Variants in GRM7 observed in about 807,000 individuals in gnomAD.
GRM7 encodes glutamate metabotropic receptor 7, also known as metabotropic glutamate receptor 7.
In GRM7, 35 loss-of-function variants were observed where a neutral mutation model predicts 84.5. The ratio of observed to expected loss-of-function variants is 0.41; its 90% CI spans 0.32 to 0.55. The LOEUF is 0.55. Among genes scored for constraint, GRM7 ranks in the 20% least tolerant of loss-of-function variants. The pLI, the probability that GRM7 is intolerant of heterozygous loss-of-function variation, is 0.19. For missense variants in GRM7, 1,003 were observed against 1,194.6 expected, an observed-to-expected ratio of 0.84 and a Z score of 2.36; for synonymous variants, 487 against 455.1, an observed-to-expected ratio of 1.07 and a Z score of -0.89.
Position 6,861,252 on chromosome 3 carries a change from C to G in GRM7, c.-137C>G. 1 of 709,990 alleles carries G rather than the reference C, an allele frequency of 1.4e-6. No individual in the cohort carries two copies. Among genetic ancestry groups the G allele is most frequent in the Non-Finnish European group, 2.1e-6 (1 of 485,326 alleles). 44.0% of individuals were successfully genotyped at this position (709,990 alleles called of 1,614,324 possible). Reference sequence around the variant, plus strand: ...CCTCACCCTCTCTGGTCGCCCCTCCCCGGATTCCCCCACCCTCCGTGCCTG... The same window carrying G: ...CCTCACCCTCTCTGGTCGCCCCTCCGCGGATTCCCCCACCCTCCGTGCCTG... On this transcript the variant is annotated 5_prime_UTR_variant, in exon 1 of 10. Transcript: ENST00000357716. This position sits in a 1 kb window ranked among gnomAD's most constrained non-coding sequence, Gnocchi z 6.4.
intron 7 of GRM7, among the ~76,000 whole-genome samples, chr3:7,546,505 G>C (rs1693158754): frequency 6.6e-6 from 1 of 152,196 alleles, no homozygotes. Context: ...CGTAGGAGAA[G>C]CAGGTAACAC....
intron 1 of GRM7, among the ~76,000 whole-genome samples, chr3:6,977,661 A>T (rs1694051398): frequency 6.6e-6 from 1 of 152,158 alleles, no homozygotes; most frequent in South Asian, 2.1e-4. Flanking sequence ...TATAATGTGG[A>T]TCAGTACCTT....
At chr3:7,186,156 G>C (rs1365443580) in intron 2 of GRM7, among the ~76,000 whole-genome samples, 1 of 152,170 alleles carries the variant, frequency 6.6e-6, no homozygotes, top group African/African-American at 2.4e-5. Flanking sequence ...TAGCTACTTA[G>C]CACCTGCTTC....
At chr3:7,707,928 CAAT>C (rs1701441131) in intron 9 of GRM7, among the ~76,000 whole-genome samples, 1 of 126,206 alleles carries the variant, frequency 7.9e-6, no homozygotes, top group African/African-American at 3.1e-5. Flanking sequence ...GTGAAGCTTT[CAAT>C]TTTTTTTTTT....
In GRM7 at chr3:7,025,434, T is replaced by A. The variant is rs145073473; in HGVS notation, c.520-121018T>A. ...TTAAGGGGTAGTTTGTTTTAGGATT[T>A]AATATACAGCGTGAGTAGGTGACTA... On this transcript the variant is annotated intron_variant, in intron 1 of 9. Transcript: ENST00000357716. Among the ~76,000 whole-genome samples the A allele has an allele frequency of 1.6e-3, 240 of 152,322 alleles. 3 individuals are homozygous for A. In the East Asian group the frequency reaches 0.024, roughly 15 times the overall value.
chr3:7,040,533 G>C (rs907784308), intron 1 of GRM7, among the ~76,000 whole-genome samples: 4 of 151,894 alleles, frequency 2.6e-5, no homozygotes, highest in African/African-American at 9.7e-5. Flanking sequence ...TCGATCTCCT[G>C]ACCTGGTGAT....
intron 8 of GRM7, among the ~76,000 whole-genome samples, chr3:7,645,988 A>G (rs542482813): frequency 6.6e-6 from 1 of 152,312 alleles, no homozygotes; most frequent in African/African-American, 2.4e-5. Context: ...CCTCATTAAC[A>G]AGTTTAAAGA....
chr3:7,343,016 C>A (rs1692714198), intron 4 of GRM7, among the ~76,000 whole-genome samples: 1 of 152,096 alleles, frequency 6.6e-6, no homozygotes. Flanking sequence ...AAGCTTCACC[C>A]AAAAATGTTT....
intron 1 of GRM7, among the ~76,000 whole-genome samples, chr3:7,114,380 T>A (rs17046795): frequency 0.27 from 40,836 of 152,020 alleles, 5,741 homozygotes; most frequent in African/African-American, 0.33. Flanking sequence ...TACAGTCAAC[T>A]TTCTACTAAA....
At chr3:7,076,909 G>A (rs1033522353) in intron 1 of GRM7, among the ~76,000 whole-genome samples, 7 of 152,038 alleles carry the variant, frequency 4.6e-5, no homozygotes, top group South Asian at 2.1e-4. Context: ...AAAAGTGGGC[G>A]AAGGATATGA....
intron 1 of GRM7, among the ~76,000 whole-genome samples, chr3:6,899,201 C>CT (rs1429109799): frequency 6.6e-6 from 1 of 152,120 alleles, no homozygotes; most frequent in Non-Finnish European, 1.5e-5. Flanking sequence ...TGTGCTAGTT[C>CT]TTTTACATAT....
Position 6,987,829 on chromosome 3 carries a change from C to G in GRM7, c.519+125922C>G, listed in dbSNP as rs1045853153. ...CCAGGAAGGTGGTTCTGGACCTAGC[C>G]CAGGGGAAATCTGACAGTGGTCTAG... is the stretch of plus-strand genomic sequence containing the variant. On this transcript the variant is annotated intron_variant, in intron 1 of 9. Transcript: ENST00000357716. Among the ~76,000 whole-genome samples the G allele has an allele frequency of 7.2e-5, 11 of 152,096 alleles. No homozygotes were observed. In the South Asian group the frequency reaches 8.3e-4, roughly 11 times the overall value.
At chr3:6,916,202 T>G (rs140354417) in intron 1 of GRM7, among the ~76,000 whole-genome samples, 1 of 152,226 alleles carries the variant, frequency 6.6e-6, no homozygotes, top group Non-Finnish European at 1.5e-5. Context: ...AGAGCTCATG[T>G]AGTCATGAAT....
At position 7,305,431 on chromosome 3, in the gene GRM7, T is replaced by A. The variant is rs1305342045; in HGVS notation, c.879-1067T>A. Among the ~76,000 whole-genome samples, 2 of 64,560 alleles carry A rather than the reference T, an allele frequency of 3.1e-5. 1 individual carries two copies. The highest frequency in any genetic ancestry group is 8.9e-5 in the Non-Finnish European group (2 of 22,560). The allele number at this position is 64,560 out of a possible 152,430, so 42.4% of individuals were successfully genotyped here. The stretch of plus-strand genomic sequence containing the variant: ...TTACATATGTATACATGTGCCATGC[T>A]GGTGCGCTGCACCCACTAACGTGTC... On this transcript the variant is annotated intron_variant, in intron 3 of 9. Transcript: ENST00000357716.
chr3:7,223,953 TG>T (rs932110477), intron 2 of GRM7, among the ~76,000 whole-genome samples: 23 of 152,214 alleles, frequency 1.5e-4, no homozygotes, highest in African/African-American at 5.5e-4. Flanking sequence ...TAGCTATGTA[TG>T]GAATCTTTCT....
At chr3:7,336,727 G>A (rs1374576532) in intron 4 of GRM7, among the ~76,000 whole-genome samples, 1 of 151,736 alleles carries the variant, frequency 6.6e-6, no homozygotes, top group Non-Finnish European at 1.5e-5. Flanking sequence ...ACACAAATCA[G>A]TAGTACGGCT....
intron 2 of GRM7, among the ~76,000 whole-genome samples, chr3:7,236,087 G>A (rs977724854): frequency 6.6e-6 from 1 of 152,142 alleles, no homozygotes; most frequent in East Asian, 1.9e-4. Context: ...TAGAAGGGGT[G>A]AGGGGACTAA....
intron 9 of GRM7, among the ~76,000 whole-genome samples, chr3:7,715,083 T>C (rs1701725066): frequency 6.6e-6 from 1 of 152,186 alleles, no homozygotes; most frequent in South Asian, 2.1e-4. Flanking sequence ...CTTTCAGCTT[T>C]AGTAAGGATT....
chr3:7,339,744 T>TG (rs1403200723), intron 4 of GRM7, among the ~76,000 whole-genome samples: 1 of 152,076 alleles, frequency 6.6e-6, no homozygotes, highest in East Asian at 1.9e-4. Context: ...TGAAGTGCTT[T>TG]GCTGAATGCT....
Sources: gnomAD v4.1 joint callset for allele counts (sites outside exome capture counted in the v4.1 genomes callset) on GRCh38, gnomAD v4.1.1 for gene constraint, Gnocchi (gnomAD v3.1) non-coding constraint, MANE v1.5 for transcripts, NCBI Gene and HGNC (gene_info 2026-07-23, HGNC 2026-07-21) for gene names.